The following ZRANB3 variants were observed in gnomAD, a reference collection of about 807,000 sequenced individuals.
ZRANB3 encodes zinc finger RANBP2-type containing 3, also known as DNA annealing helicase and endonuclease ZRANB3.
A neutral mutation model predicts 133.8 loss-of-function variants in ZRANB3; 125 were observed. The observed-to-expected ratio is 0.93, with a 90% CI of 0.81 to 1.08. The LOEUF (loss-of-function observed/expected upper bound fraction) is 1.08. Among genes scored for constraint, ZRANB3 ranks in the 50% least tolerant of loss-of-function variants. ZRANB3 has a pLI of 0.00. For missense variants in ZRANB3, 1,229 were observed against 1,275.5 expected (o/e 0.96, Z 0.56); for synonymous variants, 387 against 432.7 (o/e 0.89, Z 1.31).
intron 12 of ZRANB3, among the ~76,000 whole-genome samples, chr2:135,235,508 C>T (rs1695245311): frequency 6.6e-6 from 1 of 152,156 alleles, no homozygotes; most frequent in African/African-American, 2.4e-5. Context: ...AGACCAATAT[C>T]CCTGATGAAC....
intron 6 of ZRANB3, among the ~76,000 whole-genome samples, chr2:135,320,486 T>C (rs900222894): frequency 1.3e-5 from 2 of 152,200 alleles, no homozygotes; most frequent in Non-Finnish European, 2.9e-5. Flanking sequence ...GAACTTTCTT[T>C]TGAGCTTAGA....
intron 8 of ZRANB3, among the ~76,000 whole-genome samples, chr2:135,294,694 G>A (rs1285625411): frequency 6.6e-6 from 1 of 152,036 alleles, no homozygotes; most frequent in African/African-American, 2.4e-5. Flanking sequence ...ATGTTAGGGT[G>A]TCAATTTTAG....
chr2:135,255,007 TC>T (rs1679584523), intron 12 of ZRANB3, among the ~76,000 whole-genome samples: 1 of 152,070 alleles, frequency 6.6e-6, no homozygotes, highest in Non-Finnish European at 1.5e-5. Flanking sequence ...TGCCTCGGCC[TC>T]CCAAAGTGCT....
intron 8 of ZRANB3, among the ~76,000 whole-genome samples, chr2:135,292,771 A>T (rs1413444999): frequency 2.0e-5 from 3 of 152,162 alleles, no homozygotes; most frequent in Non-Finnish European, 4.4e-5. Flanking sequence ...TAATTTTTGT[A>T]TAAGGTGTAA....
intron 2 of ZRANB3, among the ~76,000 whole-genome samples, chr2:135,503,341 T>C (rs994021684): frequency 2.0e-5 from 3 of 152,216 alleles, no homozygotes; most frequent in Admixed American, 2.0e-4. Flanking sequence ...AAATACGTGA[T>C]AGACCAAGCA....
intron 6 of ZRANB3, among the ~76,000 whole-genome samples, chr2:135,318,844 T>C (rs909426508): frequency 2.0e-5 from 3 of 152,048 alleles, no homozygotes; most frequent in African/African-American, 7.2e-5. Flanking sequence ...GTCTCCAAAG[T>C]GTGGGGATGG....
chr2:135,376,064 G>A (rs1686415604), intron 3 of ZRANB3, among the ~76,000 whole-genome samples: 1 of 152,168 alleles, frequency 6.6e-6, no homozygotes, highest in East Asian at 1.9e-4. Flanking sequence ...TAAGGGAAGA[G>A]GCATAGACAC....
intron 2 of ZRANB3, among the ~76,000 whole-genome samples, chr2:135,447,519 C>G (rs763873817): frequency 4.6e-5 from 7 of 152,116 alleles, no homozygotes; most frequent in African/African-American, 1.7e-4. Context: ...CCTGAATAAT[C>G]TGCTTCTTCT....
rs1417277837 is a variant in ZRANB3 at position 135,426,883 on chromosome 2, T to C, written c.162-36063A>G. Among the ~76,000 whole-genome samples, 5 of 50,634 alleles carry C rather than the reference T, an allele frequency of 9.9e-5. 2 individuals carry two copies. The South Asian group carries it at 5.1e-3, about 51-fold the overall frequency. 33.2% of individuals were successfully genotyped at this position (50,634 alleles called of 152,430 possible). A position where few individuals can be genotyped will look rare whatever the true frequency, so the allele number is the denominator to read the frequency against. On this transcript the variant is annotated intron_variant, in intron 2 of 20. Transcript: ENST00000264159. ...AAAAAAATATATATATATATATATA[T>C]ATATATATATATATATATATATATA...
At chr2:135,341,005 G>C (rs1172351419) in intron 6 of ZRANB3, among the ~76,000 whole-genome samples, 1 of 145,828 alleles carries the variant, frequency 6.9e-6, no homozygotes. Flanking sequence ...TTTGTGTAGA[G>C]AAAGACAACT....
chr2:135,406,397 C>T (rs140422895), intron 2 of ZRANB3, among the ~76,000 whole-genome samples: 6,760 of 152,036 alleles, frequency 0.044, 506 homozygotes, highest in African/African-American at 0.16. Flanking sequence ...AGAGGTACAA[C>T]GAGGAGCTGG....
At chr2:135,346,119 C>T (rs779152753) in intron 5 of ZRANB3, among the ~76,000 whole-genome samples, 3 of 152,130 alleles carry the variant, frequency 2.0e-5, no homozygotes, top group Admixed American at 6.6e-5. Flanking sequence ...GTTTTTGAGA[C>T]GGAGTCTCGC....
intron 6 of ZRANB3, 34 bp from the exon 7 acceptor site, chr2:135,315,564 T>C: frequency 7.3e-7 from 1 of 1,369,288 alleles, no homozygotes; most frequent in Non-Finnish European, 9.5e-7. Flanking sequence ...GTAGCAAAAT[T>C]GAATGCTGGA....
intron 6 of ZRANB3, among the ~76,000 whole-genome samples, chr2:135,341,203 T>C (rs887179280): frequency 5.3e-5 from 8 of 149,660 alleles, no homozygotes; most frequent in Non-Finnish European, 1.2e-4. Flanking sequence ...TTCTTGTTGT[T>C]TCTTTTAGTA....
chr2:135,480,012 C>A (rs986589843), intron 2 of ZRANB3, among the ~76,000 whole-genome samples: 1 of 151,908 alleles, frequency 6.6e-6, no homozygotes, highest in Non-Finnish European at 1.5e-5. Context: ...CAGCTCACTG[C>A]AAGCTCCGCC....
chr2:135,401,682 AATG>A (rs1687737014), intron 2 of ZRANB3, among the ~76,000 whole-genome samples: 1 of 152,216 alleles, frequency 6.6e-6, no homozygotes, highest in Admixed American at 6.5e-5. Flanking sequence ...TGCATCACGC[AATG>A]ATGCCAAATC....
At chr2:135,324,349 G>C (rs1683692399) in intron 6 of ZRANB3, among the ~76,000 whole-genome samples, 4 of 150,862 alleles carry the variant, frequency 2.7e-5, no homozygotes, top group Middle Eastern at 3.4e-3. Flanking sequence ...TTTTGTTCTT[G>C]TGATACTTTG....
At chr2:135,426,598 G>C (rs546438739) in intron 2 of ZRANB3, among the ~76,000 whole-genome samples, 1 of 151,708 alleles carries the variant, frequency 6.6e-6, no homozygotes, top group South Asian at 2.1e-4. Flanking sequence ...GGGAGGCTGG[G>C]GCGGGCGGAT....
At position 135,197,522 on chromosome 2, in the gene ZRANB3, G is replaced by A. The variant is rs1693456556; in HGVS notation, c.*2820C>T. 1 of 152,228 alleles carries A rather than the reference G, an allele frequency of 6.6e-6. No individual in the cohort carries two copies. Among genetic ancestry groups the A allele is most frequent in the Non-Finnish European group, 1.5e-5 (1 of 68,042 alleles). The allele number at this position is 152,228 out of a possible 1,614,324, so 9.4% of individuals were successfully genotyped here. On this transcript the variant is annotated 3_prime_UTR_variant, in exon 21 of 21. Coordinates refer to ENST00000264159, the MANE Select transcript of ZRANB3 (RefSeq NM_032143.4). Reference sequence around the variant, plus strand: ...CTCCCCAAGAAATGTACGTTGGGCTGTAATTAACGCCAAGAGTGGGCGTCT... The same window carrying A: ...CTCCCCAAGAAATGTACGTTGGGCTATAATTAACGCCAAGAGTGGGCGTCT...
Sources: gnomAD v4.1 joint callset for allele counts (sites outside exome capture counted in the v4.1 genomes callset) on GRCh38, gnomAD v4.1.1 for gene constraint, MANE v1.5 for transcripts, NCBI Gene and HGNC (gene_info 2026-07-23, HGNC 2026-07-21) for gene names.